LHX6: variants seen among roughly 807,000 people sequenced by gnomAD.
LHX6 encodes LIM/homeobox protein Lhx6.
Under a neutral mutation model 47.1 loss-of-function variants are expected in LHX6, and 15 were observed. That is an observed-to-expected ratio of 0.32 (90% CI 0.21 to 0.49). The LOEUF is 0.49. Ranked by LOEUF, LHX6 falls within the 20% of genes least tolerant of loss-of-function variation. The pLI is 0.99. For missense variants in LHX6, 404 were observed against 539.6 expected (o/e 0.75, Z 2.49); for synonymous variants, 242 against 233.5 (o/e 1.04, Z -0.33).
At position 122,217,320 on chromosome 9, in the gene LHX6, G is replaced by C. The variant is rs1424168201; in HGVS notation, c.462-32C>G. ...GTCGAGAGGACAGGCACGGGGTGTC[G>C]AGACTCAGACAGGCCAACCTTCCTC... On this transcript the variant is annotated intron_variant, in intron 4 of 9. Coordinates refer to ENST00000394319, the MANE Select transcript of LHX6 (RefSeq NM_014368.5). This position sits in a 1 kb window ranked among gnomAD's most constrained non-coding sequence, Gnocchi z 4.9. 2.6e-6 allele frequency: 4 copies of C among 1,567,950 alleles called. No homozygotes were observed. The African/African-American group carries it at 5.4e-5, about 21-fold the overall frequency.
In LHX6 at chr9:122,214,163, C is replaced by G. The variant is rs1361064796; in HGVS notation, c.784-94G>C. The G allele has an allele frequency of 1.4e-6, 2 of 1,416,712 alleles. No individual in the cohort carries two copies. Among genetic ancestry groups the G allele is most frequent in the African/African-American group, 2.9e-5 (2 of 68,278 alleles). 87.8% of individuals were successfully genotyped at this position (1,416,712 alleles called of 1,614,324 possible). On this transcript the variant is annotated intron_variant, in intron 6 of 9. Transcript: ENST00000394319. The surrounding 1 kb of genome is among the most constrained non-coding windows in gnomAD (Gnocchi z 4.6). Reference sequence around the variant, plus strand: ...GCCAGTCCACAGGCCACGCCCCAGGCAGCTGCGGCCCCGCCCCGCCACCCG... The same window carrying G: ...GCCAGTCCACAGGCCACGCCCCAGGGAGCTGCGGCCCCGCCCCGCCACCCG...
Position 122,228,857 on chromosome 9 carries a change from GC to G in LHX6, c.-118del. ...GAGCAGGAGGAGAGCCGAGGCGCCG[GC>G]CCCGCCGCCCCGGGCCCGGCCTCAG... On this transcript the variant is annotated 5_prime_UTR_variant, in exon 1 of 10. Transcript: ENST00000394319. 1.7e-6 allele frequency: 1 copy of G among 587,152 alleles called. No homozygotes were observed. 36.4% of individuals were successfully genotyped at this position (587,152 alleles called of 1,614,324 possible).
In LHX6 at chr9:122,213,496, C is replaced by T; in HGVS notation, c.1054+110G>A. On this transcript the variant is annotated intron_variant, in intron 8 of 9. Coordinates refer to ENST00000394319, the MANE Select transcript of LHX6 (RefSeq NM_014368.5). This position sits in a 1 kb window ranked among gnomAD's most constrained non-coding sequence, Gnocchi z 5.5. ...ACTTCGGGTCCCGCTTCTTCACCCA[C>T]GAGGCTCCCCAAGGCCCTCCACCCC... 1.0e-6 allele frequency: 1 copy of T among 993,148 alleles called. No individual in the cohort carries two copies. 61.5% of individuals were successfully genotyped at this position (993,148 alleles called of 1,614,324 possible). A position where few individuals can be genotyped will look rare whatever the true frequency, so the allele number is the denominator to read the frequency against.
intron 9 of LHX6, among the ~76,000 whole-genome samples, chr9:122,208,138 C>T (rs1830255839): frequency 6.6e-6 from 1 of 152,168 alleles, no homozygotes; most frequent in Non-Finnish European, 1.5e-5. Context: ...GCATAAAATA[C>T]AGACTCTTCC....
chr9:122,209,239 C>T (rs77529225), intron 9 of LHX6, among the ~76,000 whole-genome samples: 1,648 of 152,330 alleles, frequency 0.011, 17 homozygotes, highest in South Asian at 0.03. Context: ...CCCATCAGCT[C>T]AGGATATTCA....
At position 122,204,683 on chromosome 9, in the gene LHX6, C is replaced by T; in HGVS notation, c.*77G>A. 6 of 1,570,514 alleles carry T rather than the reference C, an allele frequency of 3.8e-6. No individual in the cohort carries two copies. Among genetic ancestry groups the T allele is most frequent in the Non-Finnish European group, 5.2e-6 (6 of 1,155,460 alleles). On this transcript the variant is annotated 3_prime_UTR_variant, in exon 10 of 10. Transcript: ENST00000394319. ...GCGGAGGTGGGTGGACTCCTGGCCG[C>T]AGCTTGGACACTGGATCTCAGCGGC... is the stretch of plus-strand genomic sequence containing the variant.
chr9:122,214,100 G>A lies in LHX6; in HGVS notation c.784-31C>T. On this transcript the variant is annotated intron_variant, in intron 6 of 9. Transcript: ENST00000394319. The surrounding 1 kb of genome is among the most constrained non-coding windows in gnomAD (Gnocchi z 4.6). ...GGGCGGGGAGGGCGGTGAGGCGCTC[G>A]CACGCAGAGACTCCGAGACCCCGGC... 6.4e-7 allele frequency: 1 copy of A among 1,572,834 alleles called. No homozygotes were observed. The highest frequency in any genetic ancestry group is 1.1e-5 in the South Asian group (1 of 89,046).
chr9:122,210,932 C>A (rs547472549), intron 8 of LHX6, among the ~76,000 whole-genome samples: 1 of 152,148 alleles, frequency 6.6e-6, no homozygotes, highest in Admixed American at 6.5e-5. Context: ...CAAAGCTCCA[C>A]GAGGGCAGGA....
rs187601889 is a variant in LHX6, at chr9:122,224,155, G to A, written c.461+2221C>T. On this transcript the variant is annotated intron_variant, in intron 4 of 9. Coordinates refer to ENST00000394319, the MANE Select transcript of LHX6 (RefSeq NM_014368.5). ...TGATTCTCTTGCCTCAGCCTCCTGA[G>A]TAGCTGGGACTACAGGCACGTGCCA... 2.0e-4 allele frequency among the ~76,000 whole-genome samples: 30 copies of A among 152,260 alleles called. No homozygotes were observed. In the East Asian group the frequency reaches 5.2e-3, roughly 26 times the overall value.
chr9:122,214,247 G>GC lies in LHX6; in HGVS notation c.783+35dup, dbSNP rs1292656390. ...GTCGGCCCCGCCCACTTTCGGCCCG[G>GC]CCCCCGCCCCCGCCGCCCACTGCTT... On this transcript the variant is annotated intron_variant, in intron 6 of 9. Transcript: ENST00000394319. This position sits in a 1 kb window ranked among gnomAD's most constrained non-coding sequence, Gnocchi z 4.6. 2.0e-6 allele frequency: 3 copies of GC among 1,527,524 alleles called. No homozygotes were observed. The highest frequency in any genetic ancestry group is 2.6e-6 in the Non-Finnish European group (3 of 1,141,434). 94.6% of individuals were successfully genotyped at this position (1,527,524 alleles called of 1,614,324 possible). A position where few individuals can be genotyped will look rare whatever the true frequency, so the allele number is the denominator to read the frequency against.
intron 1 of LHX6, chr9:122,228,352 G>A: frequency 6.5e-7 from 1 of 1,531,358 alleles, no homozygotes. Flanking sequence ...ACAACCCCCG[G>A]CGCATCGGCG....
intron 4 of LHX6, among the ~76,000 whole-genome samples, chr9:122,222,971 C>T (rs12345155): frequency 0.75 from 113,610 of 152,026 alleles, 43,293 homozygotes; most frequent in East Asian, 0.82. Context: ...GCCTAGAGAA[C>T]CTCAGCATGT....
chr9:122,223,619 T>C (rs909358861), intron 4 of LHX6, among the ~76,000 whole-genome samples: 48 of 152,296 alleles, frequency 3.2e-4, no homozygotes, highest in South Asian at 4.1e-4. Flanking sequence ...AGGTCACTAC[T>C]GGCCAGACTG....
chr9:122,210,460 G>A (rs549156801), intron 8 of LHX6, among the ~76,000 whole-genome samples: 18 of 152,142 alleles, frequency 1.2e-4, no homozygotes, highest in Non-Finnish European at 2.4e-4. Flanking sequence ...CTCTGTACTC[G>A]TATGTCACCT....
At chr9:122,212,451 C>T (rs1260658207) in intron 8 of LHX6, among the ~76,000 whole-genome samples, 1 of 152,150 alleles carries the variant, frequency 6.6e-6, no homozygotes, top group Non-Finnish European at 1.5e-5. Context: ...TGTCTGATTT[C>T]CCTTCTTTTT....
In LHX6 at chr9:122,217,432, A is replaced by G. The variant is rs1029254484; in HGVS notation, c.462-144T>C. 10 of 620,602 alleles carry G rather than the reference A, an allele frequency of 1.6e-5. No homozygotes were observed. Among genetic ancestry groups the G allele is most frequent in the Admixed American group, 8.5e-5 (3 of 35,106 alleles). 38.4% of individuals were successfully genotyped at this position (620,602 alleles called of 1,614,324 possible). The stretch of plus-strand genomic sequence containing the variant: ...CATTAGCCTTAGCTTGGACGCAACA[A>G]CACTCTACACCTAGTCCCACCTAGG... On this transcript the variant is annotated intron_variant, in intron 4 of 9. Transcript: ENST00000394319. The surrounding 1 kb of genome is among the most constrained non-coding windows in gnomAD (Gnocchi z 4.9).
In LHX6 at chr9:122,226,288, A is replaced by C; in HGVS notation, c.461+88T>G. 2.7e-6 allele frequency: 4 copies of C among 1,488,646 alleles called. No homozygotes were observed. In the South Asian group the frequency reaches 5.3e-5, roughly 20 times the overall value. 92.2% of individuals were successfully genotyped at this position (1,488,646 alleles called of 1,614,324 possible). A position where few individuals can be genotyped will look rare whatever the true frequency, so the allele number is the denominator to read the frequency against. On this transcript the variant is annotated intron_variant, in intron 4 of 9. Coordinates refer to ENST00000394319, the MANE Select transcript of LHX6 (RefSeq NM_014368.5). The surrounding 1 kb of genome is among the most constrained non-coding windows in gnomAD (Gnocchi z 6.5). The stretch of plus-strand genomic sequence containing the variant: ...TGCACTCGGGACGCCGGGGTTCTGG[A>C]GGAGAGACCACACGCCGCAAAAGTG...
chr9:122,206,540 G>A (rs1030984522), intron 9 of LHX6, among the ~76,000 whole-genome samples: 1 of 152,202 alleles, frequency 6.6e-6, no homozygotes, highest in African/African-American at 2.4e-5. Context: ...GTGCAAAGTT[G>A]GGGACACAGC....
intron 9 of LHX6, among the ~76,000 whole-genome samples, chr9:122,207,876 C>T (rs560432486): frequency 5.3e-5 from 8 of 152,226 alleles, no homozygotes; most frequent in East Asian, 1.9e-4. Context: ...TCTCTGAGAG[C>T]GAGGCTTAGG....
Sources: gnomAD v4.1 joint callset for allele counts (sites outside exome capture counted in the v4.1 genomes callset) on GRCh38, gnomAD v4.1.1 for gene constraint, Gnocchi (gnomAD v3.1) non-coding constraint, MANE v1.5 for transcripts, NCBI Gene and HGNC (gene_info 2026-07-23, HGNC 2026-07-21) for gene names.